Variants in LHCGR observed in about 807,000 individuals in gnomAD.
LHCGR encodes the protein luteinizing hormone/choriogonadotropin receptor, also known as lutropin-choriogonadotropic hormone receptor.
LHCGR carries 55 observed loss-of-function variants against 60.7 expected under a neutral mutation model. That is an observed-to-expected ratio of 0.91 (90% CI 0.73 to 1.13). The LOEUF (loss-of-function observed/expected upper bound fraction) is 1.13. LHCGR is among the 50% of genes most tolerant of loss of function. LHCGR has a pLI of 0.00. For synonymous variants in LHCGR, 337 were observed against 316.5 expected (o/e 1.06, Z -0.69); for missense variants, 862 against 836.0 (o/e 1.03, Z -0.38).
intron 1 of LHCGR, among the ~76,000 whole-genome samples, chr2:48,748,123 T>C (rs771197279): frequency 6.6e-6 from 1 of 152,192 alleles, no homozygotes; most frequent in Non-Finnish European, 1.5e-5. Context: ...ACTCCTATCT[T>C]GTTTATAACC....
intron 9 of LHCGR, 117 bp from the exon 10 acceptor site, chr2:48,694,421 G>A (rs971265918): frequency 1.7e-4 from 117 of 700,446 alleles, no homozygotes; most frequent in Non-Finnish European, 1.9e-4. Flanking sequence ...CCAGCATCTC[G>A]TTCTGCACCA....
At chr2:48,738,227 A>AT (rs1012042419) in intron 1 of LHCGR, among the ~76,000 whole-genome samples, 3 of 151,654 alleles carry the variant, frequency 2.0e-5, no homozygotes, top group South Asian at 4.2e-4. Flanking sequence ...TTACTACACT[A>AT]TTTTTTTTCC....
In LHCGR at chr2:48,723,493, T is replaced by C; in HGVS notation, c.499A>G (p.Asn167Asp). 1 of 1,612,852 alleles carries C rather than the reference T, an allele frequency of 6.2e-7. No individual in the cohort carries two copies. Among genetic ancestry groups the C allele is most frequent in the Non-Finnish European group, 8.5e-7 (1 of 1,178,836 alleles). The change falls in exon 6 of 11, where the codon AAT becomes GAT. Residue 167 changes from asparagine to aspartate, a missense_variant. Asn to Asp is a conservative substitution (Grantham distance 23). Coordinates refer to ENST00000294954, the MANE Select transcript of LHCGR (RefSeq NM_000233.4). ...TCATTATTCATCCCTTGAAAAGCAT[T>C]TCCTGGTATGGTGGTTATGTGTAAG... ...DNLHITTIPG[N>D]AFQGMNNESV...
At position 48,698,760 on chromosome 2, in the gene LHCGR, C is replaced by A; in HGVS notation, c.721G>T (p.Gly241Cys). 6.2e-7 allele frequency: 1 copy of A among 1,614,100 alleles called. No individual in the cohort carries two copies. The highest frequency in any genetic ancestry group is 8.5e-7 in the Non-Finnish European group (1 of 1,179,990). Reference protein sequence around the residue: ...STKLQALPSYGLESIQRLIAT... With the variant: ...STKLQALPSYCLESIQRLIAT... ...ATTAGCCTCTGAATGGACTCTAGGCCATAGCTCGGCAGGGCCTGCAATTTG... is the reference window on the plus strand; with the variant it reads ...ATTAGCCTCTGAATGGACTCTAGGCAATAGCTCGGCAGGGCCTGCAATTTG... Residue 241 changes from glycine (G) to cysteine (C), a missense_variant, in exon 9 of 11, where the codon GGC becomes TGC. Physicochemically the swap from Gly to Cys is radical, Grantham distance 159. Transcript: ENST00000294954.
At chr2:48,709,294 C>T (rs1419258482) in intron 7 of LHCGR, among the ~76,000 whole-genome samples, 1 of 152,194 alleles carries the variant, frequency 6.6e-6, no homozygotes, top group Non-Finnish European at 1.5e-5. Context: ...TCACCCCCTC[C>T]TGTCCTGGAG....
chr2:48,755,214 A>C lies in LHCGR; in HGVS notation c.161+297T>G, dbSNP rs1018261549. Among the ~76,000 whole-genome samples the C allele has an allele frequency of 4.6e-5, 7 of 151,460 alleles. No homozygotes were observed. In the East Asian group the frequency reaches 7.9e-4, roughly 17 times the overall value. Reference sequence around the variant, plus strand: ...GGAGCGTCACACCCATATTCCCTTCAAGCAGCGGCAGAGAGCAGGCCTTCC... The same window carrying C: ...GGAGCGTCACACCCATATTCCCTTCCAGCAGCGGCAGAGAGCAGGCCTTCC... On this transcript the variant is annotated intron_variant, in intron 1 of 10. Coordinates refer to ENST00000294954, the MANE Select transcript of LHCGR (RefSeq NM_000233.4).
At position 48,722,992 on chromosome 2, in the gene LHCGR, T is replaced by C. The variant is rs114868617; in HGVS notation, c.536+464A>G. On this transcript the variant is annotated intron_variant, in intron 6 of 10. Transcript: ENST00000294954. ...AGATAGTGTTGCTTCAGAAGCAAAGTGAGAGGGACCCAAGAGGAAGGCGAA... is the reference window on the plus strand; with the variant it reads ...AGATAGTGTTGCTTCAGAAGCAAAGCGAGAGGGACCCAAGAGGAAGGCGAA... Among the ~76,000 whole-genome samples the C allele has an allele frequency of 9.8e-3, 1,487 of 152,210 alleles. 14 individuals are homozygous for C. Among genetic ancestry groups the C allele is most frequent in the Non-Finnish European group, 0.014 (976 of 68,012 alleles).
intron 1 of LHCGR, among the ~76,000 whole-genome samples, chr2:48,740,086 C>T (rs1220880318): frequency 6.6e-6 from 1 of 152,210 alleles, no homozygotes; most frequent in Non-Finnish European, 1.5e-5. Flanking sequence ...TGACAGATGG[C>T]ACCTGGAAAA....
In LHCGR at chr2:48,709,021, C is replaced by G. The variant is rs1319320022; in HGVS notation, c.607G>C (p.Glu203Gln). 6.2e-7 allele frequency: 1 copy of G among 1,613,724 alleles called. No homozygotes were observed. The highest frequency in any genetic ancestry group is 1.1e-5 in the South Asian group (1 of 91,078). The change falls in exon 8 of 11, where the codon GAG (glutamate) becomes CAG (glutamine). Residue 203 changes from glutamate to glutamine, a missense_variant and splice_region_variant. Glu to Gln is a conservative substitution (Grantham distance 29, BLOSUM62 2). Transcript: ENST00000294954. The stretch of plus-strand genomic sequence containing the variant: ...TCCAGATGTACGTTTTCCTTTAGCT[C>G]CCTGTGGGGAAGGATATTGCCCTTA... ...AFNGTTLTSLELKENVHLEKM... is the reference protein window; with the variant it reads ...AFNGTTLTSLQLKENVHLEKM...
intron 6 of LHCGR, chr2:48,720,467 C>G (rs960305579): frequency 6.6e-6 from 1 of 152,120 alleles, no homozygotes; most frequent in Non-Finnish European, 1.5e-5. Context: ...TGAATAAAGC[C>G]TACTCTATTG....
chr2:48,752,220 C>G (rs982736363), intron 1 of LHCGR, among the ~76,000 whole-genome samples: 1 of 152,178 alleles, frequency 6.6e-6, no homozygotes, highest in Non-Finnish European at 1.5e-5. Flanking sequence ...AATTTGTAAG[C>G]AGCAGGCTTG....
At chr2:48,742,890 T>A (rs1669526695) in intron 1 of LHCGR, among the ~76,000 whole-genome samples, 1 of 151,920 alleles carries the variant, frequency 6.6e-6, no homozygotes, top group Non-Finnish European at 1.5e-5. Context: ...TTCAAAAAAT[T>A]AATGAATCCA....
At chr2:48,739,578 T>C (rs569525169) in intron 1 of LHCGR, among the ~76,000 whole-genome samples, 52 of 151,184 alleles carry the variant, frequency 3.4e-4, no homozygotes, top group Non-Finnish European at 6.2e-4. Flanking sequence ...AACCAAACAC[T>C]GCATGTTCTC....
At chr2:48,702,122 C>T (rs1219123892) in intron 8 of LHCGR, among the ~76,000 whole-genome samples, 2 of 152,124 alleles carry the variant, frequency 1.3e-5, no homozygotes, top group South Asian at 2.1e-4. Context: ...GTGAGAGCAG[C>T]ACAGTATCTG....
rs377265035 is a variant in LHCGR, at chr2:48,725,713, G to T, written c.346C>A (p.Pro116Thr). The T allele has an allele frequency of 6.2e-7, 1 of 1,613,430 alleles. No homozygotes were observed. The highest frequency in any genetic ancestry group is 1.1e-5 in the South Asian group (1 of 91,060). Reference protein sequence around the residue: ...QNTKNLRYIEPGAFINLPRLK... With the variant: ...QNTKNLRYIETGAFINLPRLK... ...CGGGGAAGATTTATAAATGCTCCGGGCTCAATGTATCTCAGATTTTTGGTG... is the reference window on the plus strand; with the variant it reads ...CGGGGAAGATTTATAAATGCTCCGGTCTCAATGTATCTCAGATTTTTGGTG... The change falls in exon 4 of 11, where the codon CCC (proline) becomes ACC (threonine). Residue 116 changes from proline to threonine, a missense_variant. Physicochemically the swap from Pro to Thr is conservative, Grantham distance 38 (BLOSUM62 -1). Coordinates refer to ENST00000294954, the MANE Select transcript of LHCGR (RefSeq NM_000233.4).
intron 8 of LHCGR, among the ~76,000 whole-genome samples, chr2:48,703,866 G>T (rs1667528852): frequency 6.6e-6 from 1 of 152,136 alleles, no homozygotes; most frequent in African/African-American, 2.4e-5. Context: ...TTTCCTAAAT[G>T]AATACCCTTT....
Position 48,721,726 on chromosome 2 carries a change from C to CT in LHCGR, c.536+1729dup, listed in dbSNP as rs546100020. The CT allele has an allele frequency of 3.8e-4, 181 of 471,136 alleles. 1 individual carries two copies. In the East Asian group the frequency reaches 0.011, roughly 30 times the overall value. 29.2% of individuals were successfully genotyped at this position (471,136 alleles called of 1,614,324 possible). On this transcript the variant is annotated intron_variant, in intron 6 of 10. Transcript: ENST00000294954. ...AGAGTCATTCCAATCCATGTTTTCT[C>CT]TTTTTTCTTTAAGGGTGAGCTCCTT...
chr2:48,690,834 A>G (rs1680197802), intron 10 of LHCGR, among the ~76,000 whole-genome samples: 1 of 152,222 alleles, frequency 6.6e-6, no homozygotes, highest in Non-Finnish European at 1.5e-5. Context: ...TAATTGTCTA[A>G]TCACTTCTTG....
At chr2:48,708,227 CAG>C (rs1368325362) in intron 8 of LHCGR, among the ~76,000 whole-genome samples, 1 of 152,178 alleles carries the variant, frequency 6.6e-6, no homozygotes, top group Non-Finnish European at 1.5e-5. Flanking sequence ...CTTGCACCCT[CAG>C]AGAGTCTGAC....
Sources: allele counts gnomAD v4.1 joint callset (sites outside exome capture counted in the v4.1 genomes callset), GRCh38; gene constraint gnomAD v4.1.1; transcripts MANE v1.5; gene names NCBI Gene and HGNC (gene_info 2026-07-23, HGNC 2026-07-21).